The following FNBP1 variants were observed in gnomAD, a reference collection of about 807,000 sequenced individuals.
FNBP1 encodes formin binding protein 1.
A neutral mutation model predicts 90.6 loss-of-function variants in FNBP1; 26 were observed. That is an observed-to-expected ratio of 0.29 (90% CI 0.21 to 0.40). The LOEUF is 0.40. Ranked by LOEUF, FNBP1 falls within the 10% of genes least tolerant of loss-of-function variation. The pLI is 1.00. For missense variants in FNBP1, 635 were observed against 768.0 expected, an observed-to-expected ratio of 0.83 and a Z score of 2.05; for synonymous variants, 260 against 265.2, an observed-to-expected ratio of 0.98 and a Z score of 0.19.
chr9:130,046,063 C>T (rs1053647705), upstream of FNBP1, among the ~76,000 whole-genome samples: 1 of 152,110 alleles, frequency 6.6e-6, no homozygotes, highest in African/African-American at 2.4e-5. Context: ...AAATTATGAT[C>T]TTGGTGTGAT....
At chr9:129,909,151 TGCAA>T in intron 11 of FNBP1, 152 bp from the exon 12 acceptor site, 1 of 673,876 alleles carries the variant, frequency 1.5e-6, no homozygotes, top group South Asian at 1.5e-5. Flanking sequence ...CCAGCCGAGA[TGCAA>T]AAATCAATGC....
the FNBP1 span, among the ~76,000 whole-genome samples, chr9:130,048,491 C>CTTTTTTTTTTTTTTTTT: frequency 9.5e-6 from 1 of 105,082 alleles, no homozygotes. Context: ...CCTCAGTTTC[C>CTTTTTTTTTTTTTTTTT]TTTTTTTTTT....
At chr9:130,024,533 T>C (rs2058152898) in intron 1 of FNBP1, among the ~76,000 whole-genome samples, 1 of 152,160 alleles carries the variant, frequency 6.6e-6, no homozygotes, top group African/African-American at 2.4e-5. Context: ...TTTTCAATTT[T>C]TCTCTAACAA....
At position 130,041,886 on chromosome 9, in the gene FNBP1, A is replaced by T. The variant is rs1368725049; in HGVS notation, c.24+1066T>A. Among the ~76,000 whole-genome samples the T allele has an allele frequency of 6.6e-6, 1 of 152,126 alleles. No individual in the cohort carries two copies. Among genetic ancestry groups the T allele is most frequent in the Non-Finnish European group, 1.5e-5 (1 of 68,006 alleles). The stretch of plus-strand genomic sequence containing the variant: ...ATCTCAGATAGCAACACCACCCTAC[A>T]CTTTCTCCTCCACACCCTTTGCAAA... On this transcript the variant is annotated intron_variant, in intron 1 of 16. Transcript: ENST00000446176. The surrounding 1 kb of genome is among the most constrained non-coding windows in gnomAD (Gnocchi z 4.3).
chr9:129,896,052 A>C (rs1456961107), intron 15 of FNBP1, 56 bp from the exon 16 acceptor site: 1 of 1,518,254 alleles, frequency 6.6e-7, no homozygotes, highest in East Asian at 2.3e-5. Flanking sequence ...GGGAGGAAGC[A>C]AACAGTGGCC....
At chr9:129,942,028 A>T (rs2132351284) in intron 6 of FNBP1, among the ~76,000 whole-genome samples, 1 of 151,674 alleles carries the variant, frequency 6.6e-6, no homozygotes, top group East Asian at 1.9e-4. Context: ...CTAAGATCGC[A>T]CCACTGCACT....
chr9:130,011,312 A>T (rs2070072583), intron 1 of FNBP1, among the ~76,000 whole-genome samples: 1 of 147,276 alleles, frequency 6.8e-6, no homozygotes, highest in African/African-American at 2.5e-5. Context: ...GAAGAATTAC[A>T]AGTAGACAGA....
intron 3 of FNBP1, 46 bp from the exon 4 acceptor site, chr9:129,978,658 T>C (rs751962460): frequency 1.3e-6 from 2 of 1,578,200 alleles, no homozygotes; most frequent in Non-Finnish European, 1.7e-6. Flanking sequence ...AAGGCCACAT[T>C]CATTCATATT....
At position 130,042,795 on chromosome 9, in the gene FNBP1, G is replaced by C. The variant is rs181507197; in HGVS notation, c.24+157C>G. The stretch of plus-strand genomic sequence containing the variant: ...ACCTCCTGCTCGGGCCAAGGCGGAC[G>C]AGGGGCATTGGAACCCCGCCTCCTC... On this transcript the variant is annotated intron_variant, in intron 1 of 16. Transcript: ENST00000446176. This position sits in a 1 kb window ranked among gnomAD's most constrained non-coding sequence, Gnocchi z 5.5. Among the ~76,000 whole-genome samples the C allele has an allele frequency of 2.6e-5, 4 of 151,670 alleles. No individual in the cohort carries two copies. The highest frequency in any genetic ancestry group is 5.9e-5 in the Non-Finnish European group (4 of 67,872).
chr9:129,961,922 G>A (rs7024958), intron 4 of FNBP1, among the ~76,000 whole-genome samples: 2,344 of 152,146 alleles, frequency 0.015, 58 homozygotes, highest in African/African-American at 0.05. Context: ...CTGTACCATC[G>A]CTGACTTGGT....
At position 129,979,348 on chromosome 9, in the gene FNBP1, T is replaced by C. The variant is rs755651293; in HGVS notation, c.167A>G (p.Lys56Arg). ...TTCTTCTTCCTCCTTCGAGTTCTTT[T>C]TAGGTTGGTACTTCTTTGAAAGATT... ...LRNLSKKYQPKKNSKEEEEYK... is the reference protein window; with the variant it reads ...LRNLSKKYQPRKNSKEEEEYK... Residue 56 changes from lysine to arginine, a missense_variant, in exon 3 of 17, where the codon AAA becomes AGA. Physicochemically the swap from Lys to Arg is conservative, Grantham distance 26. Transcript: ENST00000446176. 6.2e-7 allele frequency: 1 copy of C among 1,608,332 alleles called. No individual in the cohort carries two copies.
At chr9:130,032,167 C>CTTT (rs769360352) in intron 1 of FNBP1, among the ~76,000 whole-genome samples, 1 of 142,516 alleles carries the variant, frequency 7.0e-6, no homozygotes. Context: ...TTAAAATAAA[C>CTTT]TTTTTTTTTT....
intron 2 of FNBP1, among the ~76,000 whole-genome samples, chr9:129,985,688 G>A (rs1314022448): frequency 6.6e-6 from 1 of 152,164 alleles, no homozygotes; most frequent in Admixed American, 6.5e-5. Context: ...TGGGCCAGGT[G>A]TGGTGGCTCA....
In FNBP1 at chr9:129,925,504, T is replaced by G. The variant is rs573904550; in HGVS notation, c.790-347A>C. Among the ~76,000 whole-genome samples, 31 of 145,202 alleles carry G rather than the reference T, an allele frequency of 2.1e-4. No individual in the cohort carries two copies. In the East Asian group the frequency reaches 6.8e-3, roughly 32 times the overall value. On this transcript the variant is annotated intron_variant, in intron 8 of 16. Transcript: ENST00000446176. ...CTGGGCGACAGAGTGAGACTCCATC[T>G]CAAAAAAACAATGAATTATGATGAT... is the stretch of plus-strand genomic sequence containing the variant.
intron 4 of FNBP1, among the ~76,000 whole-genome samples, chr9:129,963,332 T>TAA (rs200046381): frequency 1.3e-5 from 2 of 148,782 alleles, no homozygotes; most frequent in East Asian, 2.0e-4. Flanking sequence ...ACAAGAGTCT[T>TAA]AAAAAAAAAA....
At chr9:129,894,511 C>CA (rs1400735762) in intron 16 of FNBP1, among the ~76,000 whole-genome samples, 1 of 152,056 alleles carries the variant, frequency 6.6e-6, no homozygotes, top group Admixed American at 6.5e-5. Flanking sequence ...ACAACAACAA[C>CA]AAAAAAACAA....
intron 7 of FNBP1, among the ~76,000 whole-genome samples, chr9:129,928,976 A>G (rs1289832541): frequency 6.6e-6 from 1 of 152,116 alleles, no homozygotes; most frequent in African/African-American, 2.4e-5. Context: ...CTGTAGTTCC[A>G]TCTACTTAGG....
At chr9:130,049,428 A>G in the FNBP1 span, among the ~76,000 whole-genome samples, 1 of 152,238 alleles carries the variant, frequency 6.6e-6, no homozygotes, top group Middle Eastern at 3.4e-3. Flanking sequence ...GGTTATTGTA[A>G]AGGTTGAAAG....
At chr9:129,974,239 C>T (rs2130796452) in intron 4 of FNBP1, among the ~76,000 whole-genome samples, 1 of 152,300 alleles carries the variant, frequency 6.6e-6, no homozygotes, top group South Asian at 2.1e-4. Flanking sequence ...TACAAACACG[C>T]ACTGCCCCGA....
Sources: gnomAD v4.1 joint callset for allele counts (sites outside exome capture counted in the v4.1 genomes callset) on GRCh38, gnomAD v4.1.1 for gene constraint, Gnocchi (gnomAD v3.1) non-coding constraint, MANE v1.5 for transcripts, NCBI Gene and HGNC (gene_info 2026-07-23, HGNC 2026-07-21) for gene names.